The following PTPN21 variants were observed in gnomAD, a reference collection of about 807,000 sequenced individuals.
The protein encoded by PTPN21 is protein tyrosine phosphatase non-receptor type 21, also known as tyrosine-protein phosphatase non-receptor type 21.
Under a neutral mutation model 131.8 loss-of-function variants are expected in PTPN21, and 77 were observed. The observed-to-expected ratio is 0.58, with a 90% CI of 0.49 to 0.71. The LOEUF is 0.71. Ranked by LOEUF, PTPN21 falls within the 30% of genes least tolerant of loss-of-function variation. The pLI, the probability that PTPN21 is intolerant of heterozygous loss-of-function variation, is 0.00. For synonymous variants in PTPN21, 715 were observed against 621.3 expected, an observed-to-expected ratio of 1.15 and a Z score of -2.24; for missense variants, 1,552 against 1,527.1, an observed-to-expected ratio of 1.02 and a Z score of -0.27.
chr14:88,518,909 C>T lies in PTPN21; in HGVS notation c.181-1648G>A, dbSNP rs566216496. Among the ~76,000 whole-genome samples, 7 of 151,844 alleles carry T rather than the reference C, an allele frequency of 4.6e-5. No homozygotes were observed. The South Asian group carries it at 1.5e-3, about 32-fold the overall frequency. On this transcript the variant is annotated intron_variant, in intron 2 of 18. Coordinates refer to ENST00000556564, the MANE Select transcript of PTPN21 (RefSeq NM_007039.4). ...TCCAACTCTTCTTTATTCCTTTGTC[C>T]CCAAAATTTCATTACATGCACATTT...
chr14:88,484,982 G>A, intron 12 of PTPN21, 94 bp downstream of exon 12: 1 of 1,072,522 alleles, frequency 9.3e-7, no homozygotes, highest in Non-Finnish European at 1.4e-6. Context: ...TGCAACTTCA[G>A]CCAAAAACTG....
Position 88,496,434 on chromosome 14 carries a change from T to C in PTPN21, c.911A>G (p.Tyr304Cys), listed in dbSNP as rs2077918236. The C allele has an allele frequency of 1.9e-6, 3 of 1,613,824 alleles. No homozygotes were observed. Residue 304 changes from tyrosine to cysteine, a missense_variant, in exon 10 of 19, where the codon TAC becomes TGC. By Grantham distance (194) the Tyr-to-Cys change is radical. This residue lies in a region of PTPN21 where 1,016 missense variants were observed against 883.5 expected (regional missense o/e 1.15). Coordinates refer to ENST00000556564, the MANE Select transcript of PTPN21 (RefSeq NM_007039.4). ...TTACAGGTTACACTGGTTTAGTCTGTAAAACTTGTGTCGCGCAACACAGAG... is the reference window on the plus strand; with the variant it reads ...TTACAGGTTACACTGGTTTAGTCTGCAAAACTTGTGTCGCGCAACACAGAG... ...WRLCVARHKF[Y>C]RLNQCNLQTQ...
chr14:88,468,187 A>G lies in PTPN21; in HGVS notation c.3475T>C (p.Phe1159Leu). The G allele has an allele frequency of 6.2e-7, 1 of 1,611,984 alleles. No homozygotes were observed. The highest frequency in any genetic ancestry group is 8.5e-7 in the Non-Finnish European group (1 of 1,178,092). ...MLVQTLCQYTFVYRVLIQFLK... is the reference protein window; with the variant it reads ...MLVQTLCQYTLVYRVLIQFLK... ...AACTGGATGAGGACTCTGTACACAA[A>G]TGTGTACTGGCAGAGAGTCTGCACC... The change falls in exon 19 of 19, where the codon TTT (phenylalanine) becomes CTT (leucine). Residue 1159 changes from phenylalanine to leucine, a missense_variant. Phe to Leu is a conservative substitution (Grantham distance 22). Transcript: ENST00000556564.
chr14:88,475,233 C>G (rs2077532862), intron 13 of PTPN21, among the ~76,000 whole-genome samples: 1 of 152,134 alleles, frequency 6.6e-6, no homozygotes, highest in South Asian at 2.1e-4. Context: ...CAGCCTGTAA[C>G]AGGCCATGAA....
chr14:88,537,715 A>G (rs2078650251), intron 2 of PTPN21, among the ~76,000 whole-genome samples: 1 of 152,242 alleles, frequency 6.6e-6, no homozygotes, highest in African/African-American at 2.4e-5. Flanking sequence ...GGGAAATTTT[A>G]GTAGTCACGT....
intron 2 of PTPN21, among the ~76,000 whole-genome samples, chr14:88,546,524 C>T (rs1434625691): frequency 2.7e-5 from 4 of 149,620 alleles, no homozygotes; most frequent in Non-Finnish European, 5.9e-5. Flanking sequence ...TGCAGTGAAC[C>T]GAGATCGCGC....
At chr14:88,536,898 C>T (rs2139348780) in intron 2 of PTPN21, among the ~76,000 whole-genome samples, 1 of 152,230 alleles carries the variant, frequency 6.6e-6, no homozygotes, top group East Asian at 1.9e-4. Context: ...GGGTAGTTAA[C>T]AAGTATTAAC....
chr14:88,479,283 G>GTCC lies in PTPN21; in HGVS notation c.2145_2147dup (p.Glu715dup), dbSNP rs765072459. ...CCCCGCTCTCCTCCTCGAAGTCCTC[G>GTCC]TCCTCCTCCTCCTCGCTGCTGTGGA... On this transcript the variant is annotated inframe_insertion, in exon 13 of 19. Transcript: ENST00000556564. 22 of 1,604,490 alleles carry GTCC rather than the reference G, an allele frequency of 1.4e-5. No individual in the cohort carries two copies. The highest frequency in any genetic ancestry group is 2.7e-5 in the African/African-American group (2 of 74,452).
chr14:88,539,592 A>C (rs1219190188), intron 2 of PTPN21, among the ~76,000 whole-genome samples: 2 of 152,044 alleles, frequency 1.3e-5, no homozygotes, highest in Non-Finnish European at 2.9e-5. Context: ...CAATATCAAC[A>C]CTTGGATTGC....
intron 12 of PTPN21, among the ~76,000 whole-genome samples, 160 bp downstream of exon 12, chr14:88,484,916 A>G (rs966580105): frequency 6.6e-6 from 1 of 152,032 alleles, no homozygotes; most frequent in Admixed American, 6.6e-5. Context: ...ACAAAAAACA[A>G]TATATTGGCT....
chr14:88,518,384 G>GTGTA (rs1364261831), intron 2 of PTPN21, among the ~76,000 whole-genome samples: 1 of 13,328 alleles, frequency 7.5e-5, no homozygotes, highest in Non-Finnish European at 1.6e-4. Flanking sequence ...ATGTGTGTGT[G>GTGTA]TGTATATATA....
At position 88,479,717 on chromosome 14, in the gene PTPN21, G is replaced by A; in HGVS notation, c.1714C>T (p.Pro572Ser). 1 of 1,513,686 alleles carries A rather than the reference G, an allele frequency of 6.6e-7. No homozygotes were observed. The highest frequency in any genetic ancestry group is 8.8e-7 in the Non-Finnish European group (1 of 1,141,122). 93.8% of individuals were successfully genotyped at this position (1,513,686 alleles called of 1,614,324 possible). A position where few individuals can be genotyped will look rare whatever the true frequency, so the allele number is the denominator to read the frequency against. ...VYRPPPPYPPPRPANSTPDLS... is the reference protein window; with the variant it reads ...VYRPPPPYPPSRPANSTPDLS... ...TCTGGCGTGCTGTTGGCGGGCCTGG[G>A]GGGCGGGTAGGGTGGGGGTGGCCGG... Residue 572 changes from proline (P) to serine (S), a missense_variant, in exon 13 of 19, where the codon CCC (proline) becomes TCC (serine). Physicochemically the swap from Pro to Ser is moderately conservative, Grantham distance 74 (BLOSUM62 -1). Coordinates refer to ENST00000556564, the MANE Select transcript of PTPN21 (RefSeq NM_007039.4).
chr14:88,521,148 A>T (rs536666017), intron 2 of PTPN21, among the ~76,000 whole-genome samples: 1 of 152,044 alleles, frequency 6.6e-6, no homozygotes, highest in Admixed American at 6.6e-5. Context: ...CAGCCTGAAA[A>T]CCACTATATT....
chr14:88,509,830 G>A (rs1339916410), intron 3 of PTPN21, among the ~76,000 whole-genome samples: 1 of 152,198 alleles, frequency 6.6e-6, no homozygotes, highest in Non-Finnish European at 1.5e-5. Context: ...GAGGTCAGGA[G>A]TTGGAGACCG....
Position 88,465,864 on chromosome 14 carries a change from C to T in PTPN21, c.*2273G>A, listed in dbSNP as rs767910853. ...AAAATTACATGGCTCTTAGGAATGA[C>T]GCCAAACATGCAACATTTTAAGAGT... On this transcript the variant is annotated 3_prime_UTR_variant, in exon 19 of 19. Transcript: ENST00000556564. 9.9e-5 allele frequency: 15 copies of T among 152,092 alleles called. No individual in the cohort carries two copies. Among genetic ancestry groups the T allele is most frequent in the Non-Finnish European group, 1.5e-4 (10 of 68,024 alleles). The allele number at this position is 152,092 out of a possible 1,614,324, so 9.4% of individuals were successfully genotyped here.
At chr14:88,495,766 TCGGAGGATCAGTACTG>T (rs1182509447) in intron 10 of PTPN21, among the ~76,000 whole-genome samples, 4 of 152,132 alleles carry the variant, frequency 2.6e-5, no homozygotes, top group African/African-American at 9.7e-5. Context: ...GAAGGAGCTG[TCGGAGGATCAGTACTG>T]CGGAGCGGTC....
chr14:88,501,274 C>T lies in PTPN21; in HGVS notation c.675+7G>A, dbSNP rs1202026167. ...TTAAAGAGCCCCAGCCGCCAAGCCACACTTACCTTAGCAGGGTAGCTCTCT... is the reference window on the plus strand; with the variant it reads ...TTAAAGAGCCCCAGCCGCCAAGCCATACTTACCTTAGCAGGGTAGCTCTCT... On this transcript the variant is annotated splice_region_variant and intron_variant, in intron 7 of 18. Coordinates refer to ENST00000556564, the MANE Select transcript of PTPN21 (RefSeq NM_007039.4). The T allele has an allele frequency of 1.9e-6, 3 of 1,607,654 alleles. No individual in the cohort carries two copies. Among genetic ancestry groups the T allele is most frequent in the Non-Finnish European group, 2.6e-6 (3 of 1,174,172 alleles).
At position 88,468,273 on chromosome 14, in the gene PTPN21, G is replaced by T; in HGVS notation, c.3397-8C>A. ...TCTCGGGATGTCCAGCACCTAGGTT[G>T]AGAGAAACGGTAATGAAGATAATGT... On this transcript the variant is annotated splice_polypyrimidine_tract_variant and splice_region_variant and intron_variant, in intron 18 of 18. Coordinates refer to ENST00000556564, the MANE Select transcript of PTPN21 (RefSeq NM_007039.4). 6.3e-7 allele frequency: 1 copy of T among 1,589,346 alleles called. No homozygotes were observed. The highest frequency in any genetic ancestry group is 1.8e-5 in the Admixed American group (1 of 54,538).
In PTPN21 at chr14:88,550,290, C is replaced by CT. The variant is rs1463228832; in HGVS notation, c.127dup (p.Ser43LysfsTer48). On this transcript the variant is annotated frameshift_variant, in exon 2 of 19. Coordinates refer to ENST00000556564, the MANE Select transcript of PTPN21 (RefSeq NM_007039.4). LOFTEE classifies it high-confidence loss of function. ...GGCCTCGAGGCTTTCCTGGCCAGTG[C>CT]TCTCCACGGACAGGGTGAACTCCAC... 1 of 1,614,068 alleles carries CT rather than the reference C, an allele frequency of 6.2e-7. No individual in the cohort carries two copies. The highest frequency in any genetic ancestry group is 2.2e-5 in the East Asian group (1 of 44,896).
Sources: gnomAD v4.1 joint callset for allele counts (sites outside exome capture counted in the v4.1 genomes callset) on GRCh38, gnomAD v4.1.1 for gene constraint, gnomAD v4.1.1 regional missense constraint, MANE v1.5 for transcripts, NCBI Gene and HGNC (gene_info 2026-07-23, HGNC 2026-07-21) for gene names.